The following EP300 variants were observed in gnomAD, a reference collection of about 807,000 sequenced individuals.
The protein encoded by EP300 is histone acetyltransferase p300.
A neutral mutation model predicts 264.0 loss-of-function variants in EP300; 31 were observed. The observed-to-expected ratio is 0.12, with a 90% CI of 0.09 to 0.16. The LOEUF (loss-of-function observed/expected upper bound fraction) is 0.16, where lower values mean the gene tolerates loss of function less well. Among genes scored for constraint, EP300 ranks in the 10% least tolerant of loss-of-function variants. EP300 has a pLI of 1.00. For missense variants in EP300, 2,766 were observed against 3,052.9 expected (o/e 0.91, Z 2.21); for synonymous variants, 1,340 against 1,045.4 (o/e 1.28, Z -5.44).
At chr22:41,093,139 C>CT in intron 1 of EP300, 41 bp downstream of exon 1, 1 of 1,581,916 alleles carries the variant, frequency 6.3e-7, no homozygotes, top group Non-Finnish European at 8.7e-7. Flanking sequence ...TCCCTTTAAT[C>CT]TTTTCTACTC....
chr22:41,104,385 G>A (rs1489976612), intron 1 of EP300, among the ~76,000 whole-genome samples: 2 of 151,888 alleles, frequency 1.3e-5, no homozygotes, highest in Non-Finnish European at 2.9e-5. Context: ...TGCCTCCCCG[G>A]TTCAAGTGAT....
chr22:41,149,154 C>T lies in EP300; in HGVS notation c.2358C>T (p.Ser786=), dbSNP rs145803296. The part of the protein sequence containing the change: ...NVTNIPLAPS[S]GQAPVSQAQM... ...CAAATATCCCTTTGGCTCCGTCCAG[C>T]GGTCAAGCTCCAGTGTCTCAAGTAT... The change falls in exon 13 of 31, where the codon AGC becomes AGT. Residue 786 remains serine, a synonymous_variant. Coordinates refer to ENST00000263253, the MANE Select transcript of EP300 (RefSeq NM_001429.4). The T allele has an allele frequency of 1.4e-5, 23 of 1,613,840 alleles. No individual in the cohort carries two copies. The highest frequency in any genetic ancestry group is 9.4e-5 in the African/African-American group (7 of 74,848).
At position 41,179,876 on chromosome 22, in the gene EP300, C is replaced by CCCCACACA. The variant is rs1266790744; in HGVS notation, c.*921_*922insCCACACAC. On this transcript the variant is annotated 3_prime_UTR_variant, in exon 31 of 31. Transcript: ENST00000263253. The stretch of plus-strand genomic sequence containing the variant: ...GCTTTCTTCCTCCTTACCCTACCCC[C>CCCCACACA]CACTCACACACACACACACACACAC... The CCCCACACA allele has an allele frequency of 4.6e-5, 6 of 131,172 alleles. No homozygotes were observed. The highest frequency in any genetic ancestry group is 2.1e-4 in the African/African-American group (6 of 27,930). The allele number at this position is 131,172 out of a possible 1,614,324, so 8.1% of individuals were successfully genotyped here.
intron 10 of EP300, among the ~76,000 whole-genome samples, chr22:41,141,820 G>A (rs1006620335): frequency 2.0e-5 from 3 of 151,960 alleles, no homozygotes; most frequent in African/African-American, 7.3e-5. Flanking sequence ...GGGATTACAG[G>A]CACATGCCAC....
chr22:41,137,507 A>G (rs2058958494), intron 7 of EP300, 146 bp from the exon 8 acceptor site: 1 of 1,055,006 alleles, frequency 9.5e-7, no homozygotes, highest in East Asian at 2.5e-5. Flanking sequence ...CAGTCTAGTC[A>G]CACACTTCTC....
chr22:41,152,258 C>G lies in EP300; in HGVS notation c.3050C>G (p.Thr1017Ser), dbSNP rs2145740810. Residue 1017 changes from threonine to serine, a missense_variant, in exon 16 of 31, where the codon ACT becomes AGT. Thr to Ser is a moderately conservative substitution (Grantham distance 58). Transcript: ENST00000263253. ...MESTETEERS[T>S]ELKTEIKEEE... ...TCTACCGAAACAGAAGAGAGAAGCA[C>G]TGAGTTAAAAACTGAAATAAAAGAG... The G allele has an allele frequency of 1.2e-6, 2 of 1,614,026 alleles. No homozygotes were observed. The highest frequency in any genetic ancestry group is 1.1e-5 in the South Asian group (1 of 91,086).
At chr22:41,167,580 GTGTGTATATATA>G (rs1185572149) in intron 23 of EP300, among the ~76,000 whole-genome samples, 25 of 30,166 alleles carry the variant, frequency 8.3e-4, no homozygotes, top group African/African-American at 1.7e-3. Flanking sequence ...GTGTGTGTGT[GTGTGTATATATA>G]TATATATATA....
intron 2 of EP300, among the ~76,000 whole-genome samples, chr22:41,119,174 T>A: frequency 8.2e-6 from 1 of 121,752 alleles, no homozygotes; most frequent in South Asian, 2.7e-4. Flanking sequence ...GGCTTATTAT[T>A]ATTTTTTTTT....
chr22:41,175,102 CAGTA>C (rs1410156497), intron 29 of EP300, among the ~76,000 whole-genome samples: 1 of 152,130 alleles, frequency 6.6e-6, no homozygotes, highest in African/African-American at 2.4e-5. Flanking sequence ...CTATTTCAAG[CAGTA>C]AGTAATGCCA....
chr22:41,161,238 A>G (rs1212042595), intron 20 of EP300, among the ~76,000 whole-genome samples: 1 of 152,214 alleles, frequency 6.6e-6, no homozygotes, highest in Non-Finnish European at 1.5e-5. Flanking sequence ...GCCGGGGTTT[A>G]AGAGATTTGC....
intron 16 of EP300, among the ~76,000 whole-genome samples, chr22:41,153,159 G>A (rs1377582193): frequency 6.6e-6 from 1 of 152,140 alleles, no homozygotes; most frequent in East Asian, 1.9e-4. Flanking sequence ...CCTGGGCCAG[G>A]AAGCAGACCC....
At chr22:41,150,229 A>G in intron 14 of EP300, 31 bp downstream of exon 14, 1 of 1,571,828 alleles carries the variant, frequency 6.4e-7, no homozygotes, top group Non-Finnish European at 8.6e-7. Flanking sequence ...AGGCAGAATC[A>G]TTAGAGCTAT....
intron 1 of EP300, among the ~76,000 whole-genome samples, chr22:41,115,674 A>G (rs2058816924): frequency 6.6e-6 from 1 of 152,088 alleles, no homozygotes; most frequent in African/African-American, 2.4e-5. Flanking sequence ...GGCCTTCTAA[A>G]GTACTGAGAT....
chr22:41,129,510 A>G (rs1011061862), intron 4 of EP300, among the ~76,000 whole-genome samples: 1 of 152,170 alleles, frequency 6.6e-6, no homozygotes, highest in East Asian at 1.9e-4. Context: ...AGTCATTTTT[A>G]CCCGATCTAA....
rs17002307 is a variant in EP300 at position 41,140,161 on chromosome 22, G to A, written c.1782G>A (p.Thr594=). 17 of 1,613,786 alleles carry A rather than the reference G, an allele frequency of 1.1e-5. 1 individual carries two copies. The highest frequency in any genetic ancestry group is 6.6e-5 in the South Asian group (6 of 91,076). The change falls in exon 9 of 31, where the codon ACG becomes ACA. Residue 594 remains threonine (T), a synonymous_variant. Transcript: ENST00000263253. ...CCAGCGTCCAAGCCATATTTCCTACGCCGGATCCTGCTGCTTTAAAAGACA... is the reference window on the plus strand; with the variant it reads ...CCAGCGTCCAAGCCATATTTCCTACACCGGATCCTGCTGCTTTAAAAGACA... The part of the protein sequence containing the change: ...VHKLVQAIFP[T]PDPAALKDRR...
chr22:41,092,813 C>G lies in EP300; in HGVS notation c.-192C>G. 1 of 686,460 alleles carries G rather than the reference C, an allele frequency of 1.5e-6. No homozygotes were observed. Among genetic ancestry groups the G allele is most frequent in the Non-Finnish European group, 2.6e-6 (1 of 381,168 alleles). 42.5% of individuals were successfully genotyped at this position (686,460 alleles called of 1,614,324 possible). A position where few individuals can be genotyped will look rare whatever the true frequency, so the allele number is the denominator to read the frequency against. ...CCCGGCCCCTCGCACTTGCCCTTAC[C>G]TTTTCTATCGAGTCCGCATCCCTCT... On this transcript the variant is annotated 5_prime_UTR_variant, in exon 1 of 31. Transcript: ENST00000263253.
chr22:41,122,660 A>G (rs1215528915), intron 2 of EP300, among the ~76,000 whole-genome samples: 1 of 151,996 alleles, frequency 6.6e-6, no homozygotes, highest in Non-Finnish European at 1.5e-5. Context: ...AAAGAAGATT[A>G]ATTTACATTT....
chr22:41,137,694 C>T lies in EP300; in HGVS notation c.1664C>T (p.Pro555Leu), dbSNP rs1205592710. The change falls in exon 8 of 31, where the codon CCT becomes CTT. Residue 555 changes from proline to leucine, a missense_variant. By Grantham distance (98) the Pro-to-Leu change is moderately conservative. Coordinates refer to ENST00000263253, the MANE Select transcript of EP300 (RefSeq NM_001429.4). ...AATGCCAGTGTGCCCTCCCTGGGTC[C>T]TATGCCAACAGCAGCTCAACCATCC... ...SENASVPSLGPMPTAAQPSTT... is the reference protein window; with the variant it reads ...SENASVPSLGLMPTAAQPSTT... The T allele has an allele frequency of 1.2e-6, 2 of 1,614,156 alleles. No individual in the cohort carries two copies. The highest frequency in any genetic ancestry group is 1.7e-5 in the Admixed American group (1 of 60,004).
intron 1 of EP300, among the ~76,000 whole-genome samples, chr22:41,096,711 C>T (rs901611589): frequency 6.6e-6 from 1 of 151,298 alleles, no homozygotes; most frequent in Non-Finnish European, 1.5e-5. Context: ...CTCAACCTCC[C>T]AGGTTCAAGC....
Sources: allele counts gnomAD v4.1 joint callset (sites outside exome capture counted in the v4.1 genomes callset), GRCh38; gene constraint gnomAD v4.1.1; transcripts MANE v1.5; gene names NCBI Gene and HGNC (gene_info 2026-07-23, HGNC 2026-07-21).